PBX1: variants seen among roughly 807,000 people sequenced by gnomAD.
PBX1 encodes pre-B-cell leukemia transcription factor 1.
A neutral mutation model predicts 53.4 loss-of-function variants in PBX1; 6 were observed. That is an observed-to-expected ratio of 0.11 (90% CI 0.06 to 0.22). The LOEUF (loss-of-function observed/expected upper bound fraction) is 0.22. Among genes scored for constraint, PBX1 ranks in the 10% least tolerant of loss-of-function variants. PBX1 has a pLI of 1.00. For missense variants in PBX1, 251 were observed against 551.4 expected (o/e 0.46, Z 5.46); for synonymous variants, 204 against 212.3 (o/e 0.96, Z 0.34).
intron 2 of PBX1, among the ~76,000 whole-genome samples, chr1:164,878,801 T>A (rs1373093279): frequency 6.6e-6 from 1 of 152,222 alleles, no homozygotes; most frequent in East Asian, 1.9e-4. Context: ...ATTTTAAATG[T>A]GTTATAGGAA....
At chr1:164,744,786 G>T (rs1665806877) in intron 2 of PBX1, among the ~76,000 whole-genome samples, 1 of 151,926 alleles carries the variant, frequency 6.6e-6, no homozygotes, top group South Asian at 2.1e-4. Context: ...GTAATCTGAG[G>T]ACATTTTTTT....
chr1:164,859,048 T>C (rs1232641281), intron 2 of PBX1, among the ~76,000 whole-genome samples: 1 of 152,222 alleles, frequency 6.6e-6, no homozygotes, highest in Non-Finnish European at 1.5e-5. Context: ...CTAACCTCAG[T>C]TGAAGGCTAG....
chr1:164,668,195 G>A (rs1055707385), intron 2 of PBX1, among the ~76,000 whole-genome samples: 2 of 152,114 alleles, frequency 1.3e-5, no homozygotes, highest in Non-Finnish European at 2.9e-5. Flanking sequence ...TGTCTTTTCA[G>A]CACTCTGTGG....
rs1671630578 is a variant in PBX1 at position 164,847,426 on chromosome 1, C to T, written c.*750C>T. 1 of 1,063,842 alleles carries T rather than the reference C, an allele frequency of 9.4e-7. No individual in the cohort carries two copies. Among genetic ancestry groups the T allele is most frequent in the Non-Finnish European group, 1.1e-6 (1 of 878,442 alleles). The allele number at this position is 1,063,842 out of a possible 1,614,324, so 65.9% of individuals were successfully genotyped here. A position where few individuals can be genotyped will look rare whatever the true frequency, so the allele number is the denominator to read the frequency against. ...GGGAACAGCAGGTGGAGAATTCCTACAGTCTTTCTTACCCTGCTAGCAATA... is the reference window on the plus strand; with the variant it reads ...GGGAACAGCAGGTGGAGAATTCCTATAGTCTTTCTTACCCTGCTAGCAATA... On this transcript the variant is annotated 3_prime_UTR_variant, in exon 9 of 9. Transcript: ENST00000420696.
At chr1:164,746,153 G>A (rs932776628) in intron 2 of PBX1, among the ~76,000 whole-genome samples, 4 of 152,206 alleles carry the variant, frequency 2.6e-5, no homozygotes, top group Admixed American at 2.6e-4. Context: ...CAGCTTTTAA[G>A]TTTCAAAGTA....
At chr1:164,596,006 C>G (rs764222735) in intron 2 of PBX1, among the ~76,000 whole-genome samples, 4 of 151,696 alleles carry the variant, frequency 2.6e-5, no homozygotes, top group Admixed American at 6.6e-5. Context: ...TTGTTTCAGT[C>G]CAGTTTTACT....
chr1:164,696,135 C>T (rs1387709321), intron 2 of PBX1, among the ~76,000 whole-genome samples: 1 of 152,022 alleles, frequency 6.6e-6, no homozygotes, highest in African/African-American at 2.4e-5. Flanking sequence ...AAGGACTTCT[C>T]ATCTGGTAAA....
chr1:164,740,574 T>C (rs1043046066), intron 2 of PBX1, among the ~76,000 whole-genome samples: 4 of 152,288 alleles, frequency 2.6e-5, no homozygotes, highest in African/African-American at 9.6e-5. Context: ...TGATAAGGGT[T>C]TGTGTAACAT....
rs1311198150 is a variant in PBX1 at position 164,573,961 on chromosome 1, A to T, written c.265+10650A>T. Reference sequence around the variant, plus strand: ...TGAGGAAGATACATGGTTGTTCCCCACTCAAACTTGAGCTGGTAGTTCTGT... The same window carrying T: ...TGAGGAAGATACATGGTTGTTCCCCTCTCAAACTTGAGCTGGTAGTTCTGT... On this transcript the variant is annotated intron_variant, in intron 2 of 8. Transcript: ENST00000420696. Among the ~76,000 whole-genome samples, 4 of 152,118 alleles carry T rather than the reference A, an allele frequency of 2.6e-5. No homozygotes were observed. In the East Asian group the frequency reaches 5.8e-4, roughly 22 times the overall value.
rs533524784 is a variant in PBX1, at chr1:164,711,420, T to C, written c.266-81074T>C. On this transcript the variant is annotated intron_variant, in intron 2 of 8. Transcript: ENST00000420696. ...CTGGGACTACAGGCGCCCGCCACCA[T>C]GCCCGGCTAATTTTTTGTATTTTTC... 6.0e-4 allele frequency among the ~76,000 whole-genome samples: 91 copies of C among 152,290 alleles called. 2 individuals carry two copies. Among genetic ancestry groups the C allele is most frequent in the Admixed American group, 2.2e-3 (33 of 15,304 alleles).
downstream of PBX1, among the ~76,000 whole-genome samples, chr1:164,854,893 T>G (rs1406890828): frequency 6.6e-6 from 1 of 151,240 alleles, no homozygotes; most frequent in East Asian, 1.9e-4. Flanking sequence ...TCTCCCACAA[T>G]GCCCAGTCAC....
At chr1:164,820,324 T>C in intron 7 of PBX1, 140 bp downstream of exon 7, 3 of 586,036 alleles carry the variant, frequency 5.1e-6, no homozygotes, top group Non-Finnish European at 9.2e-6. Flanking sequence ...CGAACCAAAA[T>C]CAAGACAACC....
intron 2 of PBX1, among the ~76,000 whole-genome samples, chr1:164,574,803 G>A (rs552001102): frequency 3.9e-5 from 6 of 152,294 alleles, no homozygotes; most frequent in Admixed American, 1.3e-4. Context: ...CCAACATGGC[G>A]AAATGCCGTC....
intron 2 of PBX1, among the ~76,000 whole-genome samples, chr1:164,780,106 C>T (rs376555868): frequency 6.6e-6 from 1 of 152,142 alleles, no homozygotes; most frequent in Admixed American, 6.5e-5. Context: ...TGGGCGCCTC[C>T]GATGTGAGAG....
Position 164,612,164 on chromosome 1 carries a change from G to A in PBX1, c.265+48853G>A, listed in dbSNP as rs1571064452. ...GGCTAGGGTGGTGTATTGCACTGAA[G>A]TTGGTAGGTTGTAATAAAGCTTTTT... is the stretch of plus-strand genomic sequence containing the variant. On this transcript the variant is annotated intron_variant, in intron 2 of 8. Transcript: ENST00000420696. 4.6e-5 allele frequency among the ~76,000 whole-genome samples: 7 copies of A among 152,274 alleles called. 1 individual carries two copies.
At chr1:164,828,509 C>G (rs1670586219) in intron 8 of PBX1, 1 of 152,150 alleles carries the variant, frequency 6.6e-6, no homozygotes, top group Non-Finnish European at 1.5e-5. Context: ...ACAGCGTATG[C>G]TATGTTCCTT....
At chr1:164,743,115 G>T (rs1665702413) in intron 2 of PBX1, among the ~76,000 whole-genome samples, 2 of 152,316 alleles carry the variant, frequency 1.3e-5, no homozygotes, top group South Asian at 4.1e-4. Flanking sequence ...CCTAAAGGGG[G>T]TGCCTGTAGT....
At chr1:164,775,381 G>T (rs1667593933) in intron 2 of PBX1, among the ~76,000 whole-genome samples, 1 of 152,120 alleles carries the variant, frequency 6.6e-6, no homozygotes. Flanking sequence ...GGGACAAGTT[G>T]AGTGTGTGGT....
At chr1:164,709,290 G>C (rs1663614919) in intron 2 of PBX1, among the ~76,000 whole-genome samples, 1 of 152,182 alleles carries the variant, frequency 6.6e-6, no homozygotes, top group African/African-American at 2.4e-5. Context: ...TGGGAAGCAG[G>C]ACCGCTGGAG....
Sources: gnomAD v4.1 joint callset for allele counts (sites outside exome capture counted in the v4.1 genomes callset) on GRCh38, gnomAD v4.1.1 for gene constraint, MANE v1.5 for transcripts, NCBI Gene and HGNC (gene_info 2026-07-23, HGNC 2026-07-21) for gene names.